MTBP: variants seen among roughly 807,000 people sequenced by gnomAD.
The protein encoded by MTBP is MDM2 binding protein, also known as mdm2-binding protein.
In MTBP, 101 loss-of-function variants were observed where a neutral mutation model predicts 117.0. The ratio of observed to expected loss-of-function variants is 0.86; its 90% CI spans 0.73 to 1.02. The LOEUF is 1.02. MTBP is among the 50% of genes least tolerant of loss of function. MTBP has a pLI of 0.00. For missense variants in MTBP, 970 were observed against 1,030.9 expected (o/e 0.94, Z 0.81); for synonymous variants, 350 against 351.5 (o/e 1.00, Z 0.05).
chr8:120,501,527 C>T (rs1377090002), intron 14 of MTBP, among the ~76,000 whole-genome samples: 6 of 149,546 alleles, frequency 4.0e-5, no homozygotes, highest in African/African-American at 7.4e-5. Flanking sequence ...CCAGCCTGGG[C>T]GACAGAGTGA....
rs754440506 is a variant in MTBP at position 120,497,588 on chromosome 8, G to A, written c.1609+34G>A. 9.6e-4 allele frequency: 600 copies of A among 627,374 alleles called. 6 individuals carry two copies. The highest frequency in any genetic ancestry group is 1.4e-3 in the Admixed American group (41 of 29,496). 38.9% of individuals were successfully genotyped at this position (627,374 alleles called of 1,614,324 possible). A position where few individuals can be genotyped will look rare whatever the true frequency, so the allele number is the denominator to read the frequency against. ...TTTATTACTTTAAATTTTAGTTCGTGTGTGTGTGGCAACTATGACATTTAT... is the reference window on the plus strand; with the variant it reads ...TTTATTACTTTAAATTTTAGTTCGTATGTGTGTGGCAACTATGACATTTAT... On this transcript the variant is annotated intron_variant, in intron 14 of 21. Coordinates refer to ENST00000305949, the MANE Select transcript of MTBP (RefSeq NM_022045.5).
At chr8:120,454,003 A>C (rs375411292) in intron 5 of MTBP, 98 bp downstream of exon 5, 3 of 632,472 alleles carry the variant, frequency 4.7e-6, no homozygotes, top group East Asian at 3.1e-5. Flanking sequence ...TTCTCACTCT[A>C]ATCTTTAAAT....
rs769003736 is a variant in MTBP at position 120,455,508 on chromosome 8, T to C, written c.558T>C (p.Thr186=). The change falls in exon 6 of 22, where the codon ACT becomes ACC. Residue 186 remains threonine (T), a synonymous_variant. Coordinates refer to ENST00000305949, the MANE Select transcript of MTBP (RefSeq NM_022045.5). ...DPPKLKDYLP[T]VGALKHLREW... ...CTAAATTGAAAGACTATTTACCTAC[T>C]GTAGGAGCATTAAAACATTTGAGAG... 15 of 1,607,846 alleles carry C rather than the reference T, an allele frequency of 9.3e-6. No individual in the cohort carries two copies. The highest frequency in any genetic ancestry group is 6.7e-5 in the East Asian group (3 of 44,664).
intron 13 of MTBP, among the ~76,000 whole-genome samples, chr8:120,494,417 A>G (rs550801761): frequency 6.6e-6 from 1 of 152,342 alleles, no homozygotes; most frequent in East Asian, 1.9e-4. Context: ...AGTTTGAAAA[A>G]TCAAGTGATA....
intron 17 of MTBP, among the ~76,000 whole-genome samples, chr8:120,510,313 G>C (rs1372668232): frequency 6.6e-6 from 1 of 151,950 alleles, no homozygotes; most frequent in Non-Finnish European, 1.5e-5. Flanking sequence ...TTCACACTAT[G>C]GGTCACATTA....
At chr8:120,522,808 A>AC in intron 21 of MTBP, 89 bp downstream of exon 21, 1 of 970,330 alleles carries the variant, frequency 1.0e-6, no homozygotes, top group Non-Finnish European at 1.5e-6. Flanking sequence ...TGCAGCAGTA[A>AC]TCAGTTACTG....
chr8:120,477,561 A>G (rs1813970381), intron 11 of MTBP, among the ~76,000 whole-genome samples: 1 of 152,202 alleles, frequency 6.6e-6, no homozygotes, highest in Non-Finnish European at 1.5e-5. Context: ...TACAAGAAAA[A>G]AGCAAACAAC....
Position 120,451,257 on chromosome 8 carries a change from T to C in MTBP, c.360T>C (p.Cys120=), listed in dbSNP as rs888882510. 1 of 1,612,762 alleles carries C rather than the reference T, an allele frequency of 6.2e-7. No homozygotes were observed. Among genetic ancestry groups the C allele is most frequent in the Non-Finnish European group, 8.5e-7 (1 of 1,179,122 alleles). ...TTCTTCAAACGAATATCGAAGAATGTTTGGGTGCTGTTGAGTGTTTTGAAG... is the reference window on the plus strand; with the variant it reads ...TTCTTCAAACGAATATCGAAGAATGCTTGGGTGCTGTTGAGTGTTTTGAAG... The part of the protein sequence containing the change: ...EDVLQTNIEE[C]LGAVECFEEE... Residue 120 remains cysteine (C), a synonymous_variant, in exon 4 of 22, where the codon TGT becomes TGC. Transcript: ENST00000305949.
intron 11 of MTBP, among the ~76,000 whole-genome samples, chr8:120,487,538 A>C (rs1444090918): frequency 6.6e-6 from 1 of 152,270 alleles, no homozygotes; most frequent in East Asian, 1.9e-4. Flanking sequence ...CACCATCTTC[A>C]ACAAAGAAAG....
chr8:120,510,590 GT>G (rs1483107898), intron 17 of MTBP, among the ~76,000 whole-genome samples: 1 of 152,142 alleles, frequency 6.6e-6, no homozygotes, highest in Non-Finnish European at 1.5e-5. Context: ...ATATCTGTCT[GT>G]GTGAAAAATA....
intron 13 of MTBP, among the ~76,000 whole-genome samples, chr8:120,492,674 C>T (rs1410479912): frequency 1.3e-5 from 2 of 152,046 alleles, no homozygotes; most frequent in Admixed American, 6.5e-5. Flanking sequence ...GAAAAATTTG[C>T]ACAAAAATTT....
At chr8:120,467,341 G>C (rs558401010) in intron 10 of MTBP, among the ~76,000 whole-genome samples, 2 of 152,200 alleles carry the variant, frequency 1.3e-5, no homozygotes, top group African/African-American at 4.8e-5. Context: ...CAGGCCAGGT[G>C]CAGTGACTCA....
At chr8:120,456,508 A>G in intron 6 of MTBP, 45 bp from the exon 7 acceptor site, 2 of 1,183,602 alleles carry the variant, frequency 1.7e-6, no homozygotes. Context: ...TAAATCAGTG[A>G]AATATAAAAC....
chr8:120,500,774 A>G (rs1814566587), intron 14 of MTBP, among the ~76,000 whole-genome samples: 1 of 152,234 alleles, frequency 6.6e-6, no homozygotes, highest in South Asian at 2.1e-4. Flanking sequence ...TTCCTTTAAC[A>G]GGCCAGGCGT....
chr8:120,465,138 C>T (rs144335462), intron 10 of MTBP, among the ~76,000 whole-genome samples: 38 of 152,204 alleles, frequency 2.5e-4, no homozygotes, highest in African/African-American at 8.9e-4. Context: ...CTATTTTAAT[C>T]CAGGTAGCCA....
chr8:120,455,126 G>A (rs1024417942), intron 5 of MTBP, among the ~76,000 whole-genome samples: 8 of 151,720 alleles, frequency 5.3e-5, no homozygotes, highest in South Asian at 4.2e-4. Context: ...AGTGATGTGT[G>A]TAATTAACCA....
intron 14 of MTBP, among the ~76,000 whole-genome samples, chr8:120,499,221 T>TA (rs988833829): frequency 2.0e-5 from 3 of 152,222 alleles, no homozygotes; most frequent in African/African-American, 7.2e-5. Flanking sequence ...TTGGACATGT[T>TA]ACATTTCTTT....
At chr8:120,522,508 GA>G in intron 20 of MTBP, 145 bp from the exon 21 acceptor site, 1 of 557,480 alleles carries the variant, frequency 1.8e-6, no homozygotes, top group Non-Finnish European at 3.1e-6. Flanking sequence ...CTAGTACTTA[GA>G]TTTTTTTTGT....
intron 11 of MTBP, among the ~76,000 whole-genome samples, chr8:120,486,680 CT>C (rs938839185): frequency 2.0e-5 from 3 of 152,096 alleles, no homozygotes; most frequent in Admixed American, 2.0e-4. Context: ...GGAGACCCAT[CT>C]TTTTGGCCAC....
Sources: gnomAD v4.1 joint callset for allele counts (sites outside exome capture counted in the v4.1 genomes callset) on GRCh38, gnomAD v4.1.1 for gene constraint, MANE v1.5 for transcripts, NCBI Gene and HGNC (gene_info 2026-07-23, HGNC 2026-07-21) for gene names.